The following RASGEF1A variants were observed in gnomAD, a reference collection of about 807,000 sequenced individuals.
The protein encoded by RASGEF1A is ras-GEF domain-containing family member 1A.
A neutral mutation model predicts 56.4 loss-of-function variants in RASGEF1A; 18 were observed. The observed-to-expected ratio is 0.32, with a 90% confidence interval of 0.22 to 0.47. The LOEUF is 0.47. RASGEF1A is among the 20% of genes least tolerant of loss of function. RASGEF1A has a pLI of 1.00. For synonymous variants in RASGEF1A, 245 were observed against 242.6 expected, an observed-to-expected ratio of 1.01 and a Z score of -0.09; for missense variants, 422 against 627.1, an observed-to-expected ratio of 0.67 and a Z score of 3.49.
At chr10:43,266,622 G>A (rs1836629594) in intron 1 of RASGEF1A, among the ~76,000 whole-genome samples, 1 of 149,090 alleles carries the variant, frequency 6.7e-6, no homozygotes, top group Non-Finnish European at 1.5e-5. Context: ...GTCCAGCCCG[G>A]GGCGGAGTTC....
intron 1 of RASGEF1A, among the ~76,000 whole-genome samples, chr10:43,249,030 G>T (rs1840597279): frequency 6.6e-6 from 1 of 152,176 alleles, no homozygotes; most frequent in African/African-American, 2.4e-5. Flanking sequence ...CAGATGAGGT[G>T]ACTTCTCACC....
At chr10:43,214,148 T>G (rs1226943267) in intron 1 of RASGEF1A, among the ~76,000 whole-genome samples, 2 of 152,188 alleles carry the variant, frequency 1.3e-5, no homozygotes, top group East Asian at 1.9e-4. Flanking sequence ...CTATCACCCA[T>G]GAGCTCCTGA....
intron 1 of RASGEF1A, among the ~76,000 whole-genome samples, chr10:43,239,661 G>A (rs191020946): frequency 6.6e-5 from 10 of 152,276 alleles, no homozygotes; most frequent in Admixed American, 2.0e-4. Context: ...AACCACTGGC[G>A]TAGCAGCCCC....
Position 43,262,262 on chromosome 10 carries a change from T to C in RASGEF1A, c.-7+4583A>G, listed in dbSNP as rs562272948. Among the ~76,000 whole-genome samples the C allele has an allele frequency of 5.3e-5, 8 of 152,210 alleles. No homozygotes were observed. The East Asian group carries it at 1.5e-3, about 29-fold the overall frequency. ...CAGCCTCCTCCACGGAAGCTACTCT[T>C]TGTTAACAGCGTTGCCATGGCAACC... On this transcript the variant is annotated intron_variant, in intron 1 of 12. Coordinates refer to ENST00000395810, the MANE Select transcript of RASGEF1A (RefSeq NM_145313.4).
intron 1 of RASGEF1A, among the ~76,000 whole-genome samples, chr10:43,236,583 C>T (rs535324082): frequency 4.6e-5 from 7 of 152,380 alleles, no homozygotes; most frequent in African/African-American, 1.4e-4. Flanking sequence ...CCGTCTCTCG[C>T]GCCCTCCCTC....
intron 1 of RASGEF1A, among the ~76,000 whole-genome samples, chr10:43,245,595 G>A (rs558579329): frequency 6.6e-6 from 1 of 152,282 alleles, no homozygotes; most frequent in South Asian, 2.1e-4. Context: ...TAAGCCATAC[G>A]TATTCAAGGA....
At chr10:43,256,771 G>A (rs1044774025) in intron 1 of RASGEF1A, among the ~76,000 whole-genome samples, 3 of 152,166 alleles carry the variant, frequency 2.0e-5, no homozygotes, top group Non-Finnish European at 2.9e-5. Context: ...CAGATGAGCC[G>A]TGAAGGTGGC....
intron 1 of RASGEF1A, among the ~76,000 whole-genome samples, chr10:43,251,064 G>T (rs1032759265): frequency 4.6e-5 from 7 of 152,228 alleles, no homozygotes; most frequent in African/African-American, 1.7e-4. Flanking sequence ...GGGCGTGGAA[G>T]GAAGTGCCTA....
rs1407270146 is a variant in RASGEF1A at position 43,198,306 on chromosome 10, C to G, written c.1033-111G>C. The stretch of plus-strand genomic sequence containing the variant: ...AGCAGACAGAGAAGGCACCTGGCCC[C>G]TGGGCAGCCTGGGAGTTAGCACGGG... On this transcript the variant is annotated intron_variant, in intron 9 of 12. Coordinates refer to ENST00000395810, the MANE Select transcript of RASGEF1A (RefSeq NM_145313.4). The G allele has an allele frequency of 3.1e-6, 3 of 959,524 alleles. No homozygotes were observed. The African/African-American group carries it at 5.0e-5, about 16-fold the overall frequency. The allele number at this position is 959,524 out of a possible 1,614,324, so 59.4% of individuals were successfully genotyped here. A position where few individuals can be genotyped will look rare whatever the true frequency, so the allele number is the denominator to read the frequency against.
At chr10:43,229,964 G>A (rs1049320768) in intron 1 of RASGEF1A, among the ~76,000 whole-genome samples, 3 of 151,898 alleles carry the variant, frequency 2.0e-5, no homozygotes, top group Non-Finnish European at 2.9e-5. Flanking sequence ...TGCCTGGGCC[G>A]GGCGCGCGCC....
At chr10:43,248,135 C>T (rs941920169) in intron 1 of RASGEF1A, among the ~76,000 whole-genome samples, 1 of 151,278 alleles carries the variant, frequency 6.6e-6, no homozygotes, top group African/African-American at 2.4e-5. Flanking sequence ...GCGGGTGGAT[C>T]ACTTGAGGTG....
chr10:43,227,657 G>A (rs1212360172), intron 1 of RASGEF1A, among the ~76,000 whole-genome samples: 5 of 152,124 alleles, frequency 3.3e-5, no homozygotes, highest in African/African-American at 4.8e-5. Context: ...GCAGGGTGGA[G>A]CAAGCCAGGC....
chr10:43,201,699 T>A, intron 4 of RASGEF1A, 109 bp downstream of exon 4: 1 of 1,178,772 alleles, frequency 8.5e-7, no homozygotes. Flanking sequence ...CCTGGGGGAG[T>A]AACATGGAAG....
intron 2 of RASGEF1A, among the ~76,000 whole-genome samples, chr10:43,205,103 G>C (rs1287348755): frequency 2.0e-5 from 3 of 152,236 alleles, no homozygotes; most frequent in Non-Finnish European, 4.4e-5. Context: ...GCCCCGTTCA[G>C]TGGAAGCTAG....
At chr10:43,266,460 C>T (rs1836625399) in intron 1 of RASGEF1A, among the ~76,000 whole-genome samples, 1 of 151,934 alleles carries the variant, frequency 6.6e-6, no homozygotes. Context: ...CTCCGATTCC[C>T]CAGCCCCCAC....
At chr10:43,207,595 T>C (rs1388212418) in intron 1 of RASGEF1A, 2 of 985,502 alleles carry the variant, frequency 2.0e-6, no homozygotes, top group Non-Finnish European at 1.2e-6. Flanking sequence ...ACGATGACGC[T>C]GGGTGGAATG....
At chr10:43,260,523 T>G (rs1364792687) in intron 1 of RASGEF1A, among the ~76,000 whole-genome samples, 1 of 152,186 alleles carries the variant, frequency 6.6e-6, no homozygotes, top group Admixed American at 6.5e-5. Context: ...AGAGCCACTG[T>G]GGAACCCTGG....
chr10:43,205,139 C>T (rs1839974991), intron 2 of RASGEF1A, among the ~76,000 whole-genome samples: 1 of 152,226 alleles, frequency 6.6e-6, no homozygotes, highest in Non-Finnish European at 1.5e-5. Flanking sequence ...CCGCCCACCT[C>T]CCTGCAAGCT....
chr10:43,208,007 C>T (rs1386757281), intron 1 of RASGEF1A: 1 of 971,612 alleles, frequency 1.0e-6, no homozygotes, highest in African/African-American at 1.8e-5. Flanking sequence ...CCTGTGTATC[C>T]TATCGCTGGC....
Sources: gnomAD v4.1 joint callset for allele counts (sites outside exome capture counted in the v4.1 genomes callset) on GRCh38, gnomAD v4.1.1 for gene constraint, MANE v1.5 for transcripts, NCBI Gene and HGNC (gene_info 2026-07-23, HGNC 2026-07-21) for gene names.